Variants in HPSE2 observed in about 807,000 individuals in gnomAD.
HPSE2 encodes the protein inactive heparanase-2.
HPSE2 carries 38 observed loss-of-function variants against 60.5 expected under a neutral mutation model. That is an observed-to-expected ratio of 0.63 (90% CI 0.48 to 0.82). HPSE2 has a LOEUF of 0.82. Ranked by LOEUF, HPSE2 falls within the 40% of genes least tolerant of loss-of-function variation. The pLI, the probability that HPSE2 is intolerant of heterozygous loss-of-function variation, is 0.00. For synonymous variants in HPSE2, 295 were observed against 293.2 expected (o/e 1.01, Z -0.06); for missense variants, 713 against 740.4 (o/e 0.96, Z 0.43).
intron 7 of HPSE2, among the ~76,000 whole-genome samples, chr10:98,622,714 C>A (rs1382662994): frequency 6.6e-6 from 1 of 151,988 alleles, no homozygotes; most frequent in Admixed American, 6.6e-5. Context: ...AAGAAAAATC[C>A]TGAGAATTAA....
intron 9 of HPSE2, among the ~76,000 whole-genome samples, chr10:98,568,809 C>T (rs1944417402): frequency 6.6e-6 from 1 of 152,148 alleles, no homozygotes; most frequent in South Asian, 2.1e-4. Flanking sequence ...AGGTTTCCAC[C>T]CAGCTAAGGA....
the HPSE2 span, among the ~76,000 whole-genome samples, chr10:99,299,711 T>G: frequency 6.6e-6 from 1 of 152,168 alleles, no homozygotes; most frequent in Non-Finnish European, 1.5e-5. Flanking sequence ...ATATGTTAAC[T>G]TGTTTAATAG....
intron 3 of HPSE2, among the ~76,000 whole-genome samples, chr10:98,834,869 C>G (rs1037597686): frequency 3.3e-5 from 5 of 151,718 alleles, no homozygotes; most frequent in African/African-American, 1.2e-4. Context: ...TTCTTCTCAC[C>G]AGGCTTTTTT....
At chr10:99,138,421 A>G (rs535122176) in intron 3 of HPSE2, among the ~76,000 whole-genome samples, 2 of 152,294 alleles carry the variant, frequency 1.3e-5, no homozygotes, top group East Asian at 3.9e-4. Context: ...AAATCATTCT[A>G]CTATAAAGAC....
intron 3 of HPSE2, among the ~76,000 whole-genome samples, chr10:98,897,754 C>T (rs548712589): frequency 1.6e-4 from 24 of 151,990 alleles, no homozygotes; most frequent in African/African-American, 5.1e-4. Flanking sequence ...TAGATAAAAA[C>T]AGGAGAAAAT....
At chr10:98,738,089 A>C (rs1231641428) in intron 4 of HPSE2, among the ~76,000 whole-genome samples, 6 of 152,210 alleles carry the variant, frequency 3.9e-5, no homozygotes, top group African/African-American at 1.4e-4. Context: ...CTATACTACA[A>C]GGCTACAGTA....
chr10:99,206,382 C>T (rs1037665253), intron 2 of HPSE2, among the ~76,000 whole-genome samples: 2 of 152,044 alleles, frequency 1.3e-5, no homozygotes, highest in Non-Finnish European at 2.9e-5. Context: ...AGGTGGATCA[C>T]TTGAACTGAG....
chr10:99,248,355 G>A, the HPSE2 span, among the ~76,000 whole-genome samples: 3 of 152,202 alleles, frequency 2.0e-5, no homozygotes, highest in Non-Finnish European at 4.4e-5. Flanking sequence ...TTAGCAAAGA[G>A]GTTGGAGGCA....
chr10:98,612,701 T>C (rs181571494), intron 9 of HPSE2, among the ~76,000 whole-genome samples: 108 of 152,324 alleles, frequency 7.1e-4, no homozygotes, highest in Middle Eastern at 3.4e-3. Flanking sequence ...AGATGCCATT[T>C]ATGAAAGTGA....
intron 9 of HPSE2, among the ~76,000 whole-genome samples, chr10:98,564,257 C>T (rs1944274358): frequency 6.6e-6 from 1 of 152,198 alleles, no homozygotes; most frequent in African/African-American, 2.4e-5. Flanking sequence ...TAGATCCAAA[C>T]CTTCTGGGCC....
At chr10:98,611,375 G>T (rs964142388) in intron 9 of HPSE2, among the ~76,000 whole-genome samples, 1 of 152,194 alleles carries the variant, frequency 6.6e-6, no homozygotes, top group Admixed American at 6.5e-5. Context: ...AAGTTGACTG[G>T]GCAGGGGGAG....
chr10:99,307,524 C>T, the HPSE2 span, among the ~76,000 whole-genome samples: 1 of 152,196 alleles, frequency 6.6e-6, no homozygotes, highest in Admixed American at 6.5e-5. Context: ...CCTCCAGGAA[C>T]ATATGGCTCA....
intron 3 of HPSE2, among the ~76,000 whole-genome samples, chr10:98,819,425 T>TTA (rs1392336749): frequency 1.3e-5 from 2 of 151,234 alleles, no homozygotes; most frequent in African/African-American, 4.9e-5. Context: ...ATCATTCTTT[T>TTA]TTTTTTTTTT....
chr10:98,973,809 T>G (rs1267617582), intron 3 of HPSE2, among the ~76,000 whole-genome samples: 2 of 151,348 alleles, frequency 1.3e-5, no homozygotes, highest in Non-Finnish European at 2.9e-5. Flanking sequence ...CTTTCCTTTC[T>G]ACTAATTTGT....
intron 2 of HPSE2, among the ~76,000 whole-genome samples, chr10:99,152,680 T>C (rs1389439771): frequency 6.6e-6 from 1 of 152,216 alleles, no homozygotes; most frequent in Non-Finnish European, 1.5e-5. Flanking sequence ...AAATTGACTG[T>C]GCTAAATTAA....
chr10:98,546,857 G>T (rs1386966662), intron 9 of HPSE2, among the ~76,000 whole-genome samples: 7 of 150,360 alleles, frequency 4.7e-5, no homozygotes, highest in Non-Finnish European at 7.4e-5. Flanking sequence ...TACCATCAGA[G>T]TGAACAGCCA....
intron 4 of HPSE2, among the ~76,000 whole-genome samples, chr10:98,727,740 C>T (rs541354424): frequency 5.3e-4 from 80 of 151,218 alleles, no homozygotes; most frequent in African/African-American, 1.1e-3. Context: ...AATGATTCAT[C>T]AAATAGAAAT....
intron 8 of HPSE2, 87 bp from the exon 9 acceptor site, chr10:98,615,105 T>A: frequency 5.5e-6 from 5 of 914,802 alleles, no homozygotes; most frequent in Non-Finnish European, 9.1e-6. Context: ...TATATACACA[T>A]ATACACCAAT....
At chr10:98,810,925 C>T (rs1951156432) in intron 3 of HPSE2, among the ~76,000 whole-genome samples, 1 of 152,140 alleles carries the variant, frequency 6.6e-6, no homozygotes, top group South Asian at 2.1e-4. Context: ...TAGCTGTGAG[C>T]AGGAAGGCAG....
Sources: allele counts gnomAD v4.1 joint callset (sites outside exome capture counted in the v4.1 genomes callset), GRCh38; gene constraint gnomAD v4.1.1; transcripts MANE v1.5; gene names NCBI Gene and HGNC (gene_info 2026-07-23, HGNC 2026-07-21).